The following RIPOR1 variants were observed in gnomAD, a reference collection of about 807,000 sequenced individuals.
RIPOR1 encodes RHO family interacting cell polarization regulator 1, also known as rho family-interacting cell polarization regulator 1.
RIPOR1 carries 58 observed loss-of-function variants against 116.5 expected under a neutral mutation model. The ratio of observed to expected loss-of-function variants is 0.50; its 90% CI spans 0.40 to 0.62. The LOEUF is 0.62. Among genes scored for constraint, RIPOR1 ranks in the 20% least tolerant of loss-of-function variants. The pLI is 0.00. For missense variants in RIPOR1, 1,372 were observed against 1,586.2 expected (o/e 0.86, Z 2.29); for synonymous variants, 605 against 650.0 (o/e 0.93, Z 1.05).
At chr16:67,524,852 C>T (rs760385954), upstream of RIPOR1, among the ~76,000 whole-genome samples, 4 of 152,240 alleles carry the variant, frequency 2.6e-5, no homozygotes, top group Admixed American at 6.5e-5. Flanking sequence ...GCACCAGCCT[C>T]CTTGAGGCCT....
At position 67,545,579 on chromosome 16, in the gene RIPOR1, G is replaced by C. The variant is rs781191275; in HGVS notation, c.3190+45G>C. On this transcript the variant is annotated intron_variant, in intron 18 of 21. Coordinates refer to ENST00000042381, the MANE Select transcript of RIPOR1 (RefSeq NM_024519.4). The surrounding 1 kb of genome is among the most constrained non-coding windows in gnomAD (Gnocchi z 4.8). ...CACATAGTGGCCTCTTGGGGTCTGA[G>C]GACATGAGGACAAGCCCTCCCCAAC... The C allele has an allele frequency of 1.2e-6, 2 of 1,604,918 alleles. No individual in the cohort carries two copies. Among genetic ancestry groups the C allele is most frequent in the African/African-American group, 2.7e-5 (2 of 74,726 alleles).
chr16:67,544,509 CTA>C lies in RIPOR1; in HGVS notation c.2733+81_2733+82del. ...AGTCCTGCCCTTCCATCCTGGTCCTCTATACCTCCTCTGAGTGCCACACCCCA... is the reference window on the plus strand; with the variant it reads ...AGTCCTGCCCTTCCATCCTGGTCCTCTACCTCCTCTGAGTGCCACACCCCA... On this transcript the variant is annotated intron_variant, in intron 15 of 21. Coordinates refer to ENST00000042381, the MANE Select transcript of RIPOR1 (RefSeq NM_024519.4). This position sits in a 1 kb window ranked among gnomAD's most constrained non-coding sequence, Gnocchi z 5.1. 1 of 1,552,542 alleles carries C rather than the reference CTA, an allele frequency of 6.4e-7. No individual in the cohort carries two copies. The highest frequency in any genetic ancestry group is 8.7e-7 in the Non-Finnish European group (1 of 1,147,312).
At chr16:67,539,584 G>A in intron 4 of RIPOR1, 144 bp from the exon 5 acceptor site, 2 of 990,452 alleles carry the variant, frequency 2.0e-6, no homozygotes, top group Non-Finnish European at 3.2e-6. Flanking sequence ...GGCTAGACCA[G>A]CAGGAAGGGG....
rs1448309742 is a variant in RIPOR1, at chr16:67,530,827, C to A, written c.-24+1913C>A. 6.6e-6 allele frequency among the ~76,000 whole-genome samples: 1 copy of A among 152,164 alleles called. No homozygotes were observed. The highest frequency in any genetic ancestry group is 2.4e-5 in the African/African-American group (1 of 41,432). The stretch of plus-strand genomic sequence containing the variant: ...TCCTGGGAACAGACTATAGGGCTGA[C>A]ATGAGCCCAGAGAGTCCCCTGGTTC... On this transcript the variant is annotated intron_variant, in intron 1 of 21. Transcript: ENST00000042381. The surrounding 1 kb of genome is among the most constrained non-coding windows in gnomAD (Gnocchi z 4.5).
intron 1 of RIPOR1, chr16:67,538,068 G>T (rs1002168725): frequency 2.2e-5 from 5 of 230,174 alleles, no homozygotes; most frequent in Non-Finnish European, 4.2e-5. Context: ...AGGCTGCCCC[G>T]CCCCCGGGTA....
In RIPOR1 at chr16:67,530,054, G is replaced by A; in HGVS notation, c.-24+1140G>A. On this transcript the variant is annotated intron_variant, in intron 1 of 21. Transcript: ENST00000042381. The surrounding 1 kb of genome is among the most constrained non-coding windows in gnomAD (Gnocchi z 4.5). ...CTTCTTCCACCGCCCTCTCCGGCTTGGGTCCTGTGACTGCGGCGGGAGAGA... is the reference window on the plus strand; with the variant it reads ...CTTCTTCCACCGCCCTCTCCGGCTTAGGTCCTGTGACTGCGGCGGGAGAGA... The A allele has an allele frequency of 1.6e-6, 1 of 620,436 alleles. No homozygotes were observed. Among genetic ancestry groups the A allele is most frequent in the Non-Finnish European group, 2.9e-6 (1 of 344,472 alleles). 38.4% of individuals were successfully genotyped at this position (620,436 alleles called of 1,614,324 possible). A position where few individuals can be genotyped will look rare whatever the true frequency, so the allele number is the denominator to read the frequency against.
Position 67,538,475 on chromosome 16 carries a change from G to T in RIPOR1, c.29G>T (p.Arg10Leu). The T allele has an allele frequency of 6.2e-7, 1 of 1,610,270 alleles. No individual in the cohort carries two copies. The change falls in exon 2 of 22, where the codon CGC (arginine) becomes CTC (leucine). Residue 10 changes from arginine (R) to leucine (L), a missense_variant. By Grantham distance (102) the Arg-to-Leu change is moderately radical. Coordinates refer to ENST00000042381, the MANE Select transcript of RIPOR1 (RefSeq NM_024519.4). The part of the protein sequence containing the change: MMSLSVRPQ[R>L]RLLSARVNRS... ...ATGTCCCTGTCGGTGCGGCCGCAGC[G>T]CCGTCTGCTCAGCGCCCGGGTCAAT...
At position 67,541,378 on chromosome 16, in the gene RIPOR1, G is replaced by A. The variant is rs369233020; in HGVS notation, c.802-52G>A. On this transcript the variant is annotated intron_variant, in intron 10 of 21. Transcript: ENST00000042381. This position sits in a 1 kb window ranked among gnomAD's most constrained non-coding sequence, Gnocchi z 4.6. ...CAAATTCAGACCTCAGATTTCCCAT[G>A]ATCTCATAGCCCCTGCACCCTTGTG... 51 of 1,564,828 alleles carry A rather than the reference G, an allele frequency of 3.3e-5. No homozygotes were observed. The highest frequency in any genetic ancestry group is 4.1e-5 in the Non-Finnish European group (47 of 1,153,486).
At position 67,546,404 on chromosome 16, in the gene RIPOR1, T is replaced by C. The variant is rs550633057; in HGVS notation, c.3601T>C (p.Ser1201Pro). 5.0e-6 allele frequency: 8 copies of C among 1,613,650 alleles called. No individual in the cohort carries two copies. The Admixed American group carries it at 8.3e-5, about 17-fold the overall frequency. The change falls in exon 22 of 22, where the codon TCC becomes CCC. Residue 1201 changes from serine (S) to proline (P), a missense_variant. This residue lies in a region of RIPOR1 where 1,005 missense variants were observed against 1,144.7 expected (regional missense o/e 0.88). Coordinates refer to ENST00000042381, the MANE Select transcript of RIPOR1 (RefSeq NM_024519.4). ...GQSAHRRLEE[S>P]LDALPRIFGP... Reference sequence around the variant, plus strand: ...GTCTGCCCATCGACGGCTGGAGGAGTCCCTGGACGCCCTGCCCCGCATCTT... The same window carrying C: ...GTCTGCCCATCGACGGCTGGAGGAGCCCCTGGACGCCCTGCCCCGCATCTT...
At chr16:67,534,822 G>C (rs1371656991) in intron 1 of RIPOR1, among the ~76,000 whole-genome samples, 13 of 139,442 alleles carry the variant, frequency 9.3e-5, no homozygotes, top group Non-Finnish European at 1.7e-4. Context: ...AGTTTCTAGG[G>C]TTTTCTTTTT....
chr16:67,537,569 C>A lies in RIPOR1; in HGVS notation c.-23-855C>A. 7.1e-7 allele frequency: 1 copy of A among 1,409,722 alleles called. No homozygotes were observed. 87.3% of individuals were successfully genotyped at this position (1,409,722 alleles called of 1,614,324 possible). On this transcript the variant is annotated intron_variant, in intron 1 of 21. Coordinates refer to ENST00000042381, the MANE Select transcript of RIPOR1 (RefSeq NM_024519.4). The surrounding 1 kb of genome is among the most constrained non-coding windows in gnomAD (Gnocchi z 4.6). ...GGCGAGCGCGGGTCGGGGGCCGTCC[C>A]GGACCCACCATGAACACCAAGAAGA... is the stretch of plus-strand genomic sequence containing the variant.
chr16:67,527,138 G>C (rs2050547175), upstream of RIPOR1, among the ~76,000 whole-genome samples: 1 of 152,258 alleles, frequency 6.6e-6, no homozygotes, highest in Non-Finnish European at 1.5e-5. Flanking sequence ...AGAGAAAAGG[G>C]CACTGACCGG....
chr16:67,530,181 G>A lies in RIPOR1; in HGVS notation c.-24+1267G>A, dbSNP rs1056356482. On this transcript the variant is annotated intron_variant, in intron 1 of 21. Coordinates refer to ENST00000042381, the MANE Select transcript of RIPOR1 (RefSeq NM_024519.4). This position sits in a 1 kb window ranked among gnomAD's most constrained non-coding sequence, Gnocchi z 4.5. ...CGCTTGAGAGAAGCGGGCGGGGAGG[G>A]CGCGGGTGAGTCACGGCGGCCCCTC... The A allele has an allele frequency of 1.1e-5, 4 of 349,078 alleles. No individual in the cohort carries two copies. Among genetic ancestry groups the A allele is most frequent in the African/African-American group, 2.1e-5 (1 of 46,516 alleles). The allele number at this position is 349,078 out of a possible 1,614,324, so 21.6% of individuals were successfully genotyped here. A position where few individuals can be genotyped will look rare whatever the true frequency, so the allele number is the denominator to read the frequency against.
intron 1 of RIPOR1, chr16:67,538,145 G>T: frequency 2.7e-6 from 1 of 366,272 alleles, no homozygotes; most frequent in Non-Finnish European, 4.9e-6. Flanking sequence ...CCGGAGGAGG[G>T]TCCCCGCGCG....
chr16:67,545,299 C>A lies in RIPOR1; in HGVS notation c.3032-77C>A. The A allele has an allele frequency of 6.4e-7, 1 of 1,560,076 alleles. No individual in the cohort carries two copies. Among genetic ancestry groups the A allele is most frequent in the Non-Finnish European group, 8.7e-7 (1 of 1,150,376 alleles). ...TGAACAGGGGGCCCCTGGACCTGAG[C>A]CTGGGATAGGAGCATCTCTCCCCTC... On this transcript the variant is annotated intron_variant, in intron 17 of 21. Transcript: ENST00000042381. This position sits in a 1 kb window ranked among gnomAD's most constrained non-coding sequence, Gnocchi z 4.8.
In RIPOR1 at chr16:67,531,333, A is replaced by C; in HGVS notation, c.-24+2419A>C. On this transcript the variant is annotated intron_variant, in intron 1 of 21. Transcript: ENST00000042381. The surrounding 1 kb of genome is among the most constrained non-coding windows in gnomAD (Gnocchi z 4.2). ...GCTTCCCCCACTGTTCCCCCCCTTCATCTCCCAGGTGCTACAGGACCCCCA... is the reference window on the plus strand; with the variant it reads ...GCTTCCCCCACTGTTCCCCCCCTTCCTCTCCCAGGTGCTACAGGACCCCCA... 6.9e-6 allele frequency among the ~76,000 whole-genome samples: 1 copy of C among 144,486 alleles called. No homozygotes were observed. The allele number at this position is 144,486 out of a possible 152,430, so 94.8% of individuals were successfully genotyped here. A position where few individuals can be genotyped will look rare whatever the true frequency, so the allele number is the denominator to read the frequency against.
Position 67,543,461 on chromosome 16 carries a change from T to C in RIPOR1, c.2592T>C (p.Pro864=). Residue 864 remains proline, a synonymous_variant, in exon 14 of 22, where the codon CCT becomes CCC. Transcript: ENST00000042381. This position sits in a 1 kb window ranked among gnomAD's most constrained non-coding sequence, Gnocchi z 4.7. ...NEDEDEDNDV[P]GDRPPSSPEA... ...ACGAAGATGAAGACAATGATGTTCC[T>C]GGGGACAGGTGAGGGGGCTAGGCAA... The C allele has an allele frequency of 6.4e-7, 1 of 1,551,902 alleles. No individual in the cohort carries two copies. The highest frequency in any genetic ancestry group is 8.7e-7 in the Non-Finnish European group (1 of 1,147,608).
chr16:67,544,797 C>T lies in RIPOR1; in HGVS notation c.2836C>T (p.Arg946Trp), dbSNP rs748651439. 19 of 1,598,652 alleles carry T rather than the reference C, an allele frequency of 1.2e-5. No homozygotes were observed. The East Asian group carries it at 1.3e-4, about 11-fold the overall frequency. The change falls in exon 16 of 22, where the codon CGG (arginine) becomes TGG (tryptophan). Residue 946 changes from arginine (R) to tryptophan (W), a missense_variant. By Grantham distance (101) the Arg-to-Trp change is moderately radical. Coordinates refer to ENST00000042381, the MANE Select transcript of RIPOR1 (RefSeq NM_024519.4). The surrounding 1 kb of genome is among the most constrained non-coding windows in gnomAD (Gnocchi z 5.1). ...GGAGGCAGTATGCGAGTTCAGCAGG[C>T]GGTGGGAGATCCCGGCCAGCTCTGC... ...VLEAVCEFSR[R>W]WEIPASSAQE...
rs1053453127 is a variant in RIPOR1 at position 67,542,863 on chromosome 16, C to T, written c.2077C>T (p.His693Tyr). Reference sequence around the variant, plus strand: ...TGCTACCCTCTCCAGCCCCTCCAAACACTCAGACCCCACCCTCCCAGGCAC... The same window carrying T: ...TGCTACCCTCTCCAGCCCCTCCAAATACTCAGACCCCACCCTCCCAGGCAC... ...ELATLSSPSK[H>Y]SDPTLPGTDS... Residue 693 changes from histidine (H) to tyrosine (Y), a missense_variant, in exon 13 of 22, where the codon CAC becomes TAC. Coordinates refer to ENST00000042381, the MANE Select transcript of RIPOR1 (RefSeq NM_024519.4). This position sits in a 1 kb window ranked among gnomAD's most constrained non-coding sequence, Gnocchi z 4.6. 3.1e-6 allele frequency: 5 copies of T among 1,613,476 alleles called. No individual in the cohort carries two copies. The African/African-American group carries it at 5.3e-5, about 17-fold the overall frequency.
Sources: gnomAD v4.1 joint callset for allele counts (sites outside exome capture counted in the v4.1 genomes callset) on GRCh38, gnomAD v4.1.1 for gene constraint, gnomAD v4.1.1 regional missense constraint, Gnocchi (gnomAD v3.1) non-coding constraint, MANE v1.5 for transcripts, NCBI Gene and HGNC (gene_info 2026-07-23, HGNC 2026-07-21) for gene names.